Variants in ELAVL2 observed in about 807,000 individuals in gnomAD.
The protein encoded by ELAVL2 is ELAV like RNA binding protein 2.
Under a neutral mutation model 34.6 loss-of-function variants are expected in ELAVL2, and 4 were observed. That is an observed-to-expected ratio of 0.12 (90% CI 0.06 to 0.26). The LOEUF (loss-of-function observed/expected upper bound fraction) is 0.26, where lower values mean the gene tolerates loss of function less well. Among genes scored for constraint, ELAVL2 ranks in the 10% least tolerant of loss-of-function variants. The pLI is 1.00. For missense variants in ELAVL2, 432 were observed against 442.8 expected, an observed-to-expected ratio of 0.98 and a Z score of 0.22; for synonymous variants, 193 against 154.8, an observed-to-expected ratio of 1.25 and a Z score of -1.83.
At position 23,780,985 on chromosome 9, in the gene ELAVL2, A is replaced by G. The variant is rs74542700; in HGVS notation, c.-15-18736T>C. 1.5e-3 allele frequency among the ~76,000 whole-genome samples: 221 copies of G among 152,326 alleles called. No individual in the cohort carries two copies. In the East Asian group the frequency reaches 0.033, roughly 22 times the overall value. On this transcript the variant is annotated intron_variant, in intron 1 of 6. Transcript: ENST00000397312. Reference sequence around the variant, plus strand: ...AAAAAAAGACTAGAACGAAGGTAAAAGCCTACATAAAGTCCAAAGACAATC... The same window carrying G: ...AAAAAAAGACTAGAACGAAGGTAAAGGCCTACATAAAGTCCAAAGACAATC...
At chr9:23,723,798 G>A (rs765522308) in intron 3 of ELAVL2, among the ~76,000 whole-genome samples, 2 of 151,926 alleles carry the variant, frequency 1.3e-5, no homozygotes, top group African/African-American at 4.8e-5. Flanking sequence ...CTGTTATAAG[G>A]GTTCTGCCTC....
chr9:23,735,856 G>A (rs1294834199), intron 2 of ELAVL2, among the ~76,000 whole-genome samples: 4 of 152,104 alleles, frequency 2.6e-5, no homozygotes, highest in Admixed American at 2.0e-4. Context: ...GAGGACCAAA[G>A]ACTACTGAGA....
At chr9:23,716,045 T>G (rs1005828404) in intron 3 of ELAVL2, among the ~76,000 whole-genome samples, 2 of 151,960 alleles carry the variant, frequency 1.3e-5, no homozygotes, top group African/African-American at 4.8e-5. Flanking sequence ...AAATCTCACA[T>G]AACGGGATAC....
chr9:23,824,962 A>G (rs574408427), intron 1 of ELAVL2, among the ~76,000 whole-genome samples: 18 of 152,256 alleles, frequency 1.2e-4, no homozygotes, highest in African/African-American at 4.3e-4. Context: ...GCCGCGTAGG[A>G]CCAAGGACAG....
upstream of ELAVL2, among the ~76,000 whole-genome samples, chr9:23,827,464 G>T (rs986680430): frequency 1.3e-5 from 2 of 152,154 alleles, no homozygotes; most frequent in East Asian, 3.9e-4. Context: ...TTCTTTTCCA[G>T]CCAGCATTTC....
intron 1 of ELAVL2, among the ~76,000 whole-genome samples, chr9:23,778,181 A>G (rs568530913): frequency 1.3e-5 from 2 of 152,242 alleles, no homozygotes; most frequent in Admixed American, 6.5e-5. Flanking sequence ...AAAGCCAACA[A>G]TGGACTCTGC....
At chr9:23,849,885 T>C in the ELAVL2 span, 5 of 152,174 alleles carry the variant, frequency 3.3e-5, no homozygotes, top group African/African-American at 1.2e-4. Flanking sequence ...AATGGTAATT[T>C]TCGGTTTAAA....
At chr9:23,713,127 C>G (rs1360224) in intron 3 of ELAVL2, among the ~76,000 whole-genome samples, 115,595 of 152,124 alleles carry the variant, frequency 0.76, 44,006 homozygotes, top group African/African-American at 0.8. Context: ...ACAACTGGTA[C>G]ATAACTTCTG....
At chr9:23,820,887 G>T (rs1210883161) in intron 1 of ELAVL2, among the ~76,000 whole-genome samples, 2 of 152,224 alleles carry the variant, frequency 1.3e-5, no homozygotes, top group Non-Finnish European at 2.9e-5. Context: ...GCGCAAACCC[G>T]AGATGTGACC....
At chr9:23,727,910 T>A (rs148545994) in intron 3 of ELAVL2, among the ~76,000 whole-genome samples, 312 of 152,218 alleles carry the variant, frequency 2.0e-3, no homozygotes, top group Non-Finnish European at 3.5e-3. Context: ...ACTGTTTCAA[T>A]ATCCCAATAA....
intron 1 of ELAVL2, among the ~76,000 whole-genome samples, chr9:23,802,005 ATTGT>A (rs2061621307): frequency 6.6e-6 from 1 of 152,172 alleles, no homozygotes; most frequent in South Asian, 2.1e-4. Flanking sequence ...ACAGTGGAAG[ATTGT>A]TTATCTGTTT....
intron 1 of ELAVL2, among the ~76,000 whole-genome samples, chr9:23,771,423 A>C (rs931409337): frequency 6.6e-6 from 1 of 151,960 alleles, no homozygotes; most frequent in Non-Finnish European, 1.5e-5. Context: ...AAGGATATAT[A>C]TATAAATCTA....
At chr9:23,738,773 A>AT (rs1273939791) in intron 2 of ELAVL2, among the ~76,000 whole-genome samples, 1 of 152,180 alleles carries the variant, frequency 6.6e-6, no homozygotes, top group Non-Finnish European at 1.5e-5. Flanking sequence ...CATTTGGTAA[A>AT]TATTACCTAA....
Position 23,733,725 on chromosome 9 carries a change from G to C in ELAVL2, c.230-2600C>G, listed in dbSNP as rs149332798. On this transcript the variant is annotated intron_variant, in intron 2 of 6. Transcript: ENST00000397312. Reference sequence around the variant, plus strand: ...TCCTACTTAGCTGTTTCCCACTCTAGCCTCTGAACCCTTACTCCTGGCCTG... The same window carrying C: ...TCCTACTTAGCTGTTTCCCACTCTACCCTCTGAACCCTTACTCCTGGCCTG... Among the ~76,000 whole-genome samples, 95 of 152,232 alleles carry C rather than the reference G, an allele frequency of 6.2e-4. No homozygotes were observed. The East Asian group carries it at 0.016, about 26-fold the overall frequency.
At chr9:23,808,521 A>T (rs1332409688) in intron 1 of ELAVL2, among the ~76,000 whole-genome samples, 1 of 152,200 alleles carries the variant, frequency 6.6e-6, no homozygotes, top group Admixed American at 6.5e-5. Context: ...TGGATCAGCA[A>T]ATCAAAAACT....
At chr9:23,716,986 A>G (rs1339995903) in intron 3 of ELAVL2, among the ~76,000 whole-genome samples, 1 of 152,238 alleles carries the variant, frequency 6.6e-6, no homozygotes, top group African/African-American at 2.4e-5. Flanking sequence ...AATGTTGGTA[A>G]GTATTATCAG....
chr9:23,789,803 A>G (rs970580858), intron 1 of ELAVL2, among the ~76,000 whole-genome samples: 3 of 152,104 alleles, frequency 2.0e-5, no homozygotes, highest in Non-Finnish European at 2.9e-5. Flanking sequence ...TATGGTTGCA[A>G]AACAGTTAGC....
chr9:23,764,803 C>A (rs960893380), intron 1 of ELAVL2, among the ~76,000 whole-genome samples: 8 of 151,900 alleles, frequency 5.3e-5, no homozygotes, highest in Non-Finnish European at 8.8e-5. Context: ...AAATTACATA[C>A]GAGAGCATGG....
intron 5 of ELAVL2, among the ~76,000 whole-genome samples, chr9:23,696,606 C>G (rs190111266): frequency 6.6e-6 from 1 of 152,228 alleles, no homozygotes; most frequent in East Asian, 1.9e-4. Context: ...GTAGCTGGGA[C>G]TACAGGCACC....
Sources: allele counts gnomAD v4.1 joint callset (sites outside exome capture counted in the v4.1 genomes callset), GRCh38; gene constraint gnomAD v4.1.1; transcripts MANE v1.5; gene names NCBI Gene and HGNC (gene_info 2026-07-23, HGNC 2026-07-21).